MYO16: variants seen among roughly 807,000 people sequenced by gnomAD.
MYO16 encodes myosin XVI, also known as unconventional myosin-XVI.
MYO16 carries 94 observed loss-of-function variants against 205.3 expected under a neutral mutation model. The ratio of observed to expected loss-of-function variants is 0.46; its 90% CI spans 0.39 to 0.54. MYO16 has a LOEUF of 0.54. MYO16 is among the 20% of genes least tolerant of loss of function. The pLI, the probability that MYO16 is intolerant of heterozygous loss-of-function variation, is 0.00. For missense variants in MYO16, 2,315 were observed against 2,387.5 expected (o/e 0.97, Z 0.63); for synonymous variants, 988 against 954.0 (o/e 1.04, Z -0.66).
rs569448962 is a variant in MYO16, at chr13:109,156,619, G to A, written c.5165-8282G>A. The stretch of plus-strand genomic sequence containing the variant: ...AGCGCAGGTACCTAAGAGAAAAGTG[G>A]TGTTTTCAGCATCTTGTTGGGGAAA... On this transcript the variant is annotated intron_variant, in intron 32 of 34. Coordinates refer to ENST00000457511, the MANE Select transcript of MYO16 (RefSeq NM_001198950.3). Among the ~76,000 whole-genome samples, 620 of 152,282 alleles carry A rather than the reference G, an allele frequency of 4.1e-3. 6 individuals carry two copies. The highest frequency in any genetic ancestry group is 0.014 in the African/African-American group (589 of 41,558).
At chr13:109,145,749 T>A (rs1877300949) in intron 32 of MYO16, among the ~76,000 whole-genome samples, 1 of 152,224 alleles carries the variant, frequency 6.6e-6, no homozygotes, top group African/African-American at 2.4e-5. Context: ...ACTAGGGTGC[T>A]CCATTGCTCT....
At chr13:108,784,103 G>A (rs963611789) in intron 4 of MYO16, among the ~76,000 whole-genome samples, 15 of 152,114 alleles carry the variant, frequency 9.9e-5, no homozygotes, top group African/African-American at 2.4e-4. Flanking sequence ...TGTTTACCTC[G>A]GCCTGCCTAT....
chr13:108,560,092 TCAA>T, the MYO16 span, among the ~76,000 whole-genome samples: 1,078 of 152,316 alleles, frequency 7.1e-3, 10 homozygotes, highest in African/African-American at 0.024. Context: ...AGTGTTCTCT[TCAA>T]CAACAAGAAT....
intron 16 of MYO16, among the ~76,000 whole-genome samples, chr13:108,939,535 C>G (rs747303958): frequency 3.9e-5 from 6 of 152,170 alleles, no homozygotes; most frequent in Admixed American, 6.5e-5. Flanking sequence ...TGGGTTGATC[C>G]TTCTGTACTA....
intron 1 of MYO16, among the ~76,000 whole-genome samples, chr13:108,649,884 T>A (rs1423934546): frequency 6.6e-6 from 1 of 152,182 alleles, no homozygotes; most frequent in Admixed American, 6.5e-5. Context: ...TCTGAATGTG[T>A]CTTAGAAATT....
intron 28 of MYO16, among the ~76,000 whole-genome samples, chr13:109,119,512 C>G (rs1875882578): frequency 6.6e-6 from 1 of 152,168 alleles, no homozygotes; most frequent in East Asian, 1.9e-4. Context: ...TGAGTGCCTT[C>G]TATGTGAGGG....
chr13:108,771,580 G>C (rs771726177), intron 4 of MYO16, among the ~76,000 whole-genome samples: 11 of 152,144 alleles, frequency 7.2e-5, no homozygotes, highest in Admixed American at 2.0e-4. Flanking sequence ...CAGTGACATG[G>C]ATCCACCCGT....
intron 27 of MYO16, among the ~76,000 whole-genome samples, chr13:109,074,361 T>C (rs538323638): frequency 4.3e-4 from 65 of 152,288 alleles, no homozygotes; most frequent in Middle Eastern, 6.8e-3. Flanking sequence ...TACCTGAGAA[T>C]GGACAATTTG....
chr13:109,051,490 G>A (rs566289515), intron 24 of MYO16, among the ~76,000 whole-genome samples: 3 of 152,088 alleles, frequency 2.0e-5, no homozygotes, highest in African/African-American at 7.2e-5. Context: ...TTATTTTATA[G>A]GAAAGGACAC....
At chr13:109,035,338 G>A (rs963777282) in intron 23 of MYO16, among the ~76,000 whole-genome samples, 6 of 151,882 alleles carry the variant, frequency 4.0e-5, no homozygotes, top group Non-Finnish European at 7.4e-5. Context: ...TTAAAAATAC[G>A]TCAATATCTG....
At chr13:108,760,056 T>C (rs1401793609) in intron 4 of MYO16, among the ~76,000 whole-genome samples, 2 of 152,216 alleles carry the variant, frequency 1.3e-5, no homozygotes, top group African/African-American at 2.4e-5. Flanking sequence ...TCTTTTATTG[T>C]GTGGGGGAGA....
At chr13:109,192,021 A>T (rs1161871405) in intron 34 of MYO16, among the ~76,000 whole-genome samples, 1 of 152,210 alleles carries the variant, frequency 6.6e-6, no homozygotes, top group Non-Finnish European at 1.5e-5. Flanking sequence ...ATTCAGGCTA[A>T]AATAATAGAA....
intron 16 of MYO16, among the ~76,000 whole-genome samples, chr13:108,914,007 T>C (rs1881379335): frequency 1.3e-5 from 2 of 152,122 alleles, no homozygotes; most frequent in South Asian, 4.1e-4. Context: ...CCCTGGAGTC[T>C]CTCTGAATCT....
At chr13:109,040,385 C>CACACACAGAGAGAGAGAGAGAGAGAG (rs1394314811) in intron 23 of MYO16, among the ~76,000 whole-genome samples, 11 of 113,284 alleles carry the variant, frequency 9.7e-5, no homozygotes, top group African/African-American at 3.2e-4. Context: ...CACACACACA[C>CACACACAGAGAGAGAGAGAGAGAGAG]AGAGAGAGAG....
intron 7 of MYO16, among the ~76,000 whole-genome samples, chr13:108,807,914 T>C (rs1484885493): frequency 6.6e-6 from 1 of 152,220 alleles, no homozygotes; most frequent in Non-Finnish European, 1.5e-5. Context: ...GAAACCCACC[T>C]GAAAAGCAGG....
In MYO16 at chr13:109,052,461, C is replaced by G; in HGVS notation, c.3034C>G (p.Leu1012Val). ...AATTATTGGAGAAAACAAGAATTATCTAGAACTTAGTAAGGTAGGAGTTTT... is the reference window on the plus strand; with the variant it reads ...AATTATTGGAGAAAACAAGAATTATGTAGAACTTAGTAAGGTAGGAGTTTT... ...SSIIGENKNY[L>V]ELSKLLKKKG... The change falls in exon 25 of 35, where the codon CTA becomes GTA. Residue 1012 changes from leucine (L) to valine (V), a missense_variant. Physicochemically the swap from Leu to Val is conservative, Grantham distance 32. This residue lies in a region of MYO16 where 1,213 missense variants were observed against 1,274.4 expected (regional missense o/e 0.95). Coordinates refer to ENST00000457511, the MANE Select transcript of MYO16 (RefSeq NM_001198950.3). 1 of 1,605,060 alleles carries G rather than the reference C, an allele frequency of 6.2e-7. No individual in the cohort carries two copies. Among genetic ancestry groups the G allele is most frequent in the Non-Finnish European group, 8.5e-7 (1 of 1,174,158 alleles).
intron 4 of MYO16, among the ~76,000 whole-genome samples, chr13:108,762,747 C>G (rs1169416322): frequency 6.6e-6 from 1 of 152,138 alleles, no homozygotes; most frequent in Non-Finnish European, 1.5e-5. Flanking sequence ...TGGCAGGGAT[C>G]TTGTCCTGTT....
At position 109,165,040 on chromosome 13, in the gene MYO16, T is replaced by C; in HGVS notation, c.5304T>C (p.Asn1768=). 1.9e-6 allele frequency: 3 copies of C among 1,594,840 alleles called. No homozygotes were observed. Among genetic ancestry groups the C allele is most frequent in the Non-Finnish European group, 2.6e-6 (3 of 1,173,112 alleles). ...NSLSSAITAE[N]GNSISNGLPE... ...TATCTAGTGCTATAACTGCTGAAAATGGAAATTCCATCTCAAATGGTAAGC... is the reference window on the plus strand; with the variant it reads ...TATCTAGTGCTATAACTGCTGAAAACGGAAATTCCATCTCAAATGGTAAGC... Residue 1768 remains asparagine (N), a synonymous_variant, in exon 33 of 35, where the codon AAT becomes AAC. Transcript: ENST00000457511.
intron 29 of MYO16, among the ~76,000 whole-genome samples, chr13:109,123,136 CA>C (rs1594104420): frequency 6.6e-6 from 1 of 152,192 alleles, no homozygotes; most frequent in Non-Finnish European, 1.5e-5. Flanking sequence ...TGAAAGACAA[CA>C]AACATCAACA....
Sources: allele counts gnomAD v4.1 joint callset (sites outside exome capture counted in the v4.1 genomes callset), GRCh38; gene constraint gnomAD v4.1.1; regional missense constraint gnomAD v4.1.1; transcripts MANE v1.5; gene names NCBI Gene and HGNC (gene_info 2026-07-23, HGNC 2026-07-21).